Variants in UTRN observed in about 807,000 individuals in gnomAD.
UTRN encodes dystrophin-related protein 1.
In UTRN, 283 loss-of-function variants were observed where a neutral mutation model predicts 463.9. The observed-to-expected ratio is 0.61, with a 90% CI of 0.55 to 0.67. The LOEUF is 0.67. Among genes scored for constraint, UTRN ranks in the 30% least tolerant of loss-of-function variants. The pLI, the probability that UTRN is intolerant of heterozygous loss-of-function variation, is 0.00. For missense variants in UTRN, 3,922 were observed against 4,084.3 expected, an observed-to-expected ratio of 0.96 and a Z score of 1.08; for synonymous variants, 1,442 against 1,431.5, an observed-to-expected ratio of 1.01 and a Z score of -0.17.
chr6:144,766,877 C>A (rs144326052), intron 58 of UTRN, among the ~76,000 whole-genome samples: 1 of 151,910 alleles, frequency 6.6e-6, no homozygotes, highest in Non-Finnish European at 1.5e-5. Flanking sequence ...GTTGACAGTG[C>A]AGCACAGGAA....
chr6:144,622,980 A>G (rs1197169832), intron 51 of UTRN, among the ~76,000 whole-genome samples: 1 of 152,228 alleles, frequency 6.6e-6, no homozygotes, highest in Non-Finnish European at 1.5e-5. Flanking sequence ...TGCTAGCAAC[A>G]TGGCATTTTA....
chr6:144,450,858 G>A (rs1430825844), intron 17 of UTRN, among the ~76,000 whole-genome samples: 2 of 152,196 alleles, frequency 1.3e-5, no homozygotes, highest in Non-Finnish European at 2.9e-5. Context: ...GCCAGGCATG[G>A]TGGGTCATGA....
At chr6:144,592,611 C>A (rs969125981) in intron 51 of UTRN, among the ~76,000 whole-genome samples, 14 of 152,184 alleles carry the variant, frequency 9.2e-5, no homozygotes, top group African/African-American at 2.9e-4. Flanking sequence ...CCTCGTGATC[C>A]CCCTGCCTCA....
rs1781120717 is a variant in UTRN at position 144,836,552 on chromosome 6, T to C, written c.10065+11T>C. 6.2e-7 allele frequency: 1 copy of C among 1,612,472 alleles called. No homozygotes were observed. Among genetic ancestry groups the C allele is most frequent in the Non-Finnish European group, 8.5e-7 (1 of 1,179,650 alleles). The stretch of plus-strand genomic sequence containing the variant: ...CAGCTGCTGGAGCAGGTAGGGTGTG[T>C]AGAATTCAGCGTCACACCTCCCCAG... On this transcript the variant is annotated intron_variant, in intron 71 of 74. Transcript: ENST00000367545.
intron 66 of UTRN, among the ~76,000 whole-genome samples, chr6:144,824,340 A>G (rs1436842842): frequency 6.6e-6 from 1 of 151,264 alleles, no homozygotes; most frequent in Non-Finnish European, 1.5e-5. Flanking sequence ...GAAGAGTCTA[A>G]TGACAATTTA....
At chr6:144,714,909 C>T (rs186338955) in intron 53 of UTRN, among the ~76,000 whole-genome samples, 10 of 151,338 alleles carry the variant, frequency 6.6e-5, no homozygotes, top group African/African-American at 2.0e-4. Flanking sequence ...ACCGCACTCT[C>T]CTGATGTTTT....
At chr6:144,592,260 C>G (rs1266780872) in intron 51 of UTRN, among the ~76,000 whole-genome samples, 1 of 152,152 alleles carries the variant, frequency 6.6e-6, no homozygotes, top group African/African-American at 2.4e-5. Context: ...ATAAATAATT[C>G]TATGATCCTT....
intron 2 of UTRN, among the ~76,000 whole-genome samples, chr6:144,377,378 G>A (rs141913433): frequency 4.5e-4 from 68 of 152,242 alleles, no homozygotes; most frequent in Admixed American, 1.3e-3. Context: ...GAATATACAT[G>A]TGCTTGTTAC....
intron 69 of UTRN, among the ~76,000 whole-genome samples, chr6:144,833,973 G>C (rs1780889689): frequency 6.6e-6 from 1 of 152,188 alleles, no homozygotes; most frequent in Non-Finnish European, 1.5e-5. Context: ...CTCTGCAGTG[G>C]TGCAGTACCC....
intron 27 of UTRN, among the ~76,000 whole-genome samples, chr6:144,483,386 G>A (rs982686067): frequency 6.6e-6 from 1 of 152,082 alleles, no homozygotes; most frequent in African/African-American, 2.4e-5. Context: ...GAAATTGGGG[G>A]ACTAGAACCT....
intron 51 of UTRN, among the ~76,000 whole-genome samples, chr6:144,662,848 G>A (rs577238373): frequency 1.3e-5 from 2 of 152,256 alleles, no homozygotes; most frequent in South Asian, 2.1e-4. Context: ...AATTGAAAGG[G>A]ATATTTTAGT....
At chr6:144,330,497 A>G (rs1292800767) in intron 2 of UTRN, among the ~76,000 whole-genome samples, 1 of 152,196 alleles carries the variant, frequency 6.6e-6, no homozygotes, top group African/African-American at 2.4e-5. Flanking sequence ...ACATAAAAAC[A>G]AATTTTTCTA....
chr6:144,830,721 TGTTTTTTG>T (rs1203427109), intron 69 of UTRN, among the ~76,000 whole-genome samples: 1 of 145,538 alleles, frequency 6.9e-6, no homozygotes, highest in Non-Finnish European at 1.5e-5. Flanking sequence ...TTTTGTTTTT[TGTTTTTTG>T]TTTTTTTTTT....
chr6:144,848,618 G>A (rs989683449), intron 74 of UTRN, among the ~76,000 whole-genome samples: 5 of 152,256 alleles, frequency 3.3e-5, no homozygotes, highest in African/African-American at 1.2e-4. Flanking sequence ...TAGGTTGAAT[G>A]ATACTGAAAT....
At chr6:144,502,098 TA>T (rs915479908) in intron 34 of UTRN, among the ~76,000 whole-genome samples, 25 of 151,044 alleles carry the variant, frequency 1.7e-4, no homozygotes, top group African/African-American at 5.7e-4. Context: ...TTTGTTTTTT[TA>T]AGTTTTATTT....
intron 51 of UTRN, among the ~76,000 whole-genome samples, chr6:144,587,064 T>A (rs1802535139): frequency 6.6e-6 from 1 of 152,208 alleles, no homozygotes; most frequent in African/African-American, 2.4e-5. Flanking sequence ...TAGTAGTGTA[T>A]AATTTTGTTC....
At chr6:144,533,348 T>A (rs1183028406) in intron 43 of UTRN, 88 bp downstream of exon 43, 8 of 1,518,200 alleles carry the variant, frequency 5.3e-6, no homozygotes, top group Middle Eastern at 4.8e-4. Flanking sequence ...GTTCTTTTAT[T>A]GTTTGACATT....
chr6:144,364,361 C>G (rs1779331006), intron 2 of UTRN, among the ~76,000 whole-genome samples: 1 of 152,106 alleles, frequency 6.6e-6, no homozygotes, highest in African/African-American at 2.4e-5. Context: ...ATGTTTCCCC[C>G]TGAGAGGTAA....
intron 13 of UTRN, among the ~76,000 whole-genome samples, chr6:144,442,249 T>C (rs1294970644): frequency 6.6e-6 from 1 of 152,202 alleles, no homozygotes; most frequent in African/African-American, 2.4e-5. Flanking sequence ...TAAAACTGAA[T>C]GCCTTTAACA....
Sources: allele counts gnomAD v4.1 joint callset (sites outside exome capture counted in the v4.1 genomes callset), GRCh38; gene constraint gnomAD v4.1.1; transcripts MANE v1.5; gene names NCBI Gene and HGNC (gene_info 2026-07-23, HGNC 2026-07-21).